The following KCNIP4 variants were observed in gnomAD, a reference collection of about 807,000 sequenced individuals.
The protein encoded by KCNIP4 is Kv channel-interacting protein 4.
Under a neutral mutation model 34.0 loss-of-function variants are expected in KCNIP4, and 12 were observed. The observed-to-expected ratio is 0.35, with a 90% CI of 0.23 to 0.57. The LOEUF is 0.57. KCNIP4 is among the 20% of genes least tolerant of loss of function. The probability of loss-of-function intolerance (pLI) is 0.83; values close to 1 mark genes in which losing one functional copy is unlikely to be tolerated. For missense variants in KCNIP4, 238 were observed against 311.7 expected, an observed-to-expected ratio of 0.76 and a Z score of 1.78; for synonymous variants, 124 against 102.2, an observed-to-expected ratio of 1.21 and a Z score of -1.29.
chr4:21,311,318 A>G (rs186849223), intron 1 of KCNIP4, among the ~76,000 whole-genome samples: 1 of 152,328 alleles, frequency 6.6e-6, no homozygotes, highest in African/African-American at 2.4e-5. Context: ...CACATTGCTT[A>G]TACCCACCCA....
At chr4:21,396,549 CAAAAAAA>C (rs555585102) in intron 1 of KCNIP4, among the ~76,000 whole-genome samples, 3 of 52,790 alleles carry the variant, frequency 5.7e-5, no homozygotes, top group African/African-American at 1.7e-4. Context: ...AGCAAGACTC[CAAAAAAA>C]AAAAAAAAAA....
intron 1 of KCNIP4, among the ~76,000 whole-genome samples, chr4:21,224,578 G>GGTTTT (rs1553838095): frequency 2.2e-5 from 1 of 44,880 alleles, no homozygotes; most frequent in African/African-American, 1.0e-4. Context: ...TTTTTCAACT[G>GGTTTT]TTTTTTTTTT....
At chr4:21,348,491 T>C (rs1227988760) in intron 1 of KCNIP4, among the ~76,000 whole-genome samples, 1 of 152,130 alleles carries the variant, frequency 6.6e-6, no homozygotes, top group Non-Finnish European at 1.5e-5. Flanking sequence ...TCCATCCTGG[T>C]TCATCTTGTT....
intron 1 of KCNIP4, among the ~76,000 whole-genome samples, chr4:20,920,702 A>C (rs1374314352): frequency 6.6e-6 from 1 of 152,146 alleles, no homozygotes; most frequent in Non-Finnish European, 1.5e-5. Context: ...TAAAAAAGAT[A>C]AGCTTGGGGC....
intron 1 of KCNIP4, among the ~76,000 whole-genome samples, chr4:21,261,547 T>C (rs1332174278): frequency 2.6e-5 from 4 of 152,188 alleles, no homozygotes; most frequent in Non-Finnish European, 5.9e-5. Flanking sequence ...GGCATGAAGA[T>C]TATTTATTAA....
At chr4:21,362,891 A>G (rs896108084) in intron 1 of KCNIP4, among the ~76,000 whole-genome samples, 1 of 152,210 alleles carries the variant, frequency 6.6e-6, no homozygotes, top group Non-Finnish European at 1.5e-5. Context: ...TAGGAGAACT[A>G]CAATGGAGTG....
chr4:21,282,068 C>G (rs1762811820), intron 1 of KCNIP4, among the ~76,000 whole-genome samples: 1 of 152,130 alleles, frequency 6.6e-6, no homozygotes, highest in African/African-American at 2.4e-5. Context: ...TAAAACAATT[C>G]TAAAAATGTG....
intron 1 of KCNIP4, among the ~76,000 whole-genome samples, chr4:21,320,623 T>C (rs1357828086): frequency 6.6e-6 from 1 of 152,182 alleles, no homozygotes; most frequent in African/African-American, 2.4e-5. Flanking sequence ...GCAATTACCC[T>C]GTGAGCTTTG....
intron 1 of KCNIP4, among the ~76,000 whole-genome samples, chr4:21,056,772 C>A: frequency 6.6e-6 from 1 of 152,052 alleles, no homozygotes; most frequent in East Asian, 1.9e-4. Context: ...ATGTTTGTGT[C>A]CCCTCAAAAT....
intron 1 of KCNIP4, among the ~76,000 whole-genome samples, chr4:21,414,950 T>C (rs918671220): frequency 6.6e-6 from 1 of 152,192 alleles, no homozygotes; most frequent in African/African-American, 2.4e-5. Flanking sequence ...TTCTTTTTTT[T>C]ATGATCATTC....
At chr4:21,189,373 T>C (rs1038107388) in intron 1 of KCNIP4, among the ~76,000 whole-genome samples, 2 of 152,200 alleles carry the variant, frequency 1.3e-5, no homozygotes, top group Non-Finnish European at 2.9e-5. Flanking sequence ...AGAAAAAGCA[T>C]CTTATGTCAT....
chr4:20,963,057 C>T (rs1474081949), intron 1 of KCNIP4, among the ~76,000 whole-genome samples: 1 of 152,152 alleles, frequency 6.6e-6, no homozygotes, highest in South Asian at 2.1e-4. Flanking sequence ...CATGGTGGCT[C>T]ACATCTGTAA....
Position 21,046,652 on chromosome 4 carries a change from C to T in KCNIP4, c.62-163943G>A, listed in dbSNP as rs370716023. ...TGTTGCTCAGGCAGGAGTGCAATGG[C>T]ACAACCTCGGCTCACTACAATCTCT... On this transcript the variant is annotated intron_variant, in intron 1 of 8. Coordinates refer to ENST00000382152, the MANE Select transcript of KCNIP4 (RefSeq NM_025221.6). Among the ~76,000 whole-genome samples the T allele has an allele frequency of 7.3e-5, 11 of 151,068 alleles. No homozygotes were observed. The East Asian group carries it at 1.9e-3, about 27-fold the overall frequency.
Position 20,993,027 on chromosome 4 carries a change from CAAAAAAA to C in KCNIP4, c.62-110325_62-110319del, listed in dbSNP as rs11416440. 1.4e-4 allele frequency among the ~76,000 whole-genome samples: 6 copies of C among 42,072 alleles called. No individual in the cohort carries two copies. The East Asian group carries it at 4.8e-3, about 33-fold the overall frequency. The allele number at this position is 42,072 out of a possible 152,430, so 27.6% of individuals were successfully genotyped here. On this transcript the variant is annotated intron_variant, in intron 1 of 8. Transcript: ENST00000382152. ...CAGGCGACAGAGTGAGACTCCATCTCAAAAAAAAAAAAAAAAAAAAAAAAGAGAGCAC... is the reference window on the plus strand; with the variant it reads ...CAGGCGACAGAGTGAGACTCCATCTCAAAAAAAAAAAAAAAAAGAGAGCAC...
chr4:20,994,677 A>G (rs1422355945), intron 1 of KCNIP4, among the ~76,000 whole-genome samples: 1 of 152,238 alleles, frequency 6.6e-6, no homozygotes, highest in Non-Finnish European at 1.5e-5. Flanking sequence ...AGAATGTCCT[A>G]GAGGATTACA....
chr4:21,076,450 T>C (rs1745493583), intron 1 of KCNIP4, among the ~76,000 whole-genome samples: 1 of 152,188 alleles, frequency 6.6e-6, no homozygotes. Context: ...GTCATGGATA[T>C]ATTCTTTTCC....
intron 1 of KCNIP4, among the ~76,000 whole-genome samples, chr4:21,562,277 A>T (rs949328912): frequency 1.3e-5 from 2 of 152,026 alleles, no homozygotes; most frequent in Non-Finnish European, 2.9e-5. Context: ...TACTTATTAA[A>T]ACATATAAGC....
chr4:20,898,330 A>G lies in KCNIP4; in HGVS notation c.62-15621T>C, dbSNP rs769862060. On this transcript the variant is annotated intron_variant, in intron 1 of 8. Transcript: ENST00000382152. ...GTTTCTCTCTTTGTATACATAGTCT[A>G]TTAGTTCTGTTTCTTTGGAGAACCT... 1.1e-4 allele frequency among the ~76,000 whole-genome samples: 17 copies of G among 152,136 alleles called. 1 individual carries two copies. Among genetic ancestry groups the G allele is most frequent in the Non-Finnish European group, 2.9e-5 (2 of 68,030 alleles).
At chr4:20,818,679 C>A (rs1238292257) in intron 3 of KCNIP4, among the ~76,000 whole-genome samples, 1 of 152,072 alleles carries the variant, frequency 6.6e-6, no homozygotes, top group Non-Finnish European at 1.5e-5. Context: ...AGCTTTTCTG[C>A]AAATTATAAC....
Sources: gnomAD v4.1 joint callset for allele counts (sites outside exome capture counted in the v4.1 genomes callset) on GRCh38, gnomAD v4.1.1 for gene constraint, MANE v1.5 for transcripts, NCBI Gene and HGNC (gene_info 2026-07-23, HGNC 2026-07-21) for gene names.